Variants in MYH7B observed in about 807,000 individuals in gnomAD.
MYH7B encodes myosin heavy chain 7B.
In MYH7B, 205 loss-of-function variants were observed where a neutral mutation model predicts 234.5. That is an observed-to-expected ratio of 0.87 (90% confidence interval 0.78 to 0.98). The LOEUF is 0.98. MYH7B is among the 50% of genes least tolerant of loss of function. The probability of loss-of-function intolerance (pLI) is 0.00; values close to 1 mark genes in which losing one functional copy is unlikely to be tolerated. For synonymous variants in MYH7B, 1,193 were observed against 1,105.0 expected, an observed-to-expected ratio of 1.08 and a Z score of -1.58; for missense variants, 2,652 against 2,633.4, an observed-to-expected ratio of 1.01 and a Z score of -0.15.
chr20:34,955,948 C>G (rs1000957314), exon 1 of MYH7B: 1 of 152,486 alleles, frequency 6.6e-6, no homozygotes, highest in Admixed American at 6.5e-5. Context: ...CGGCTGCACC[C>G]TGGCGGATGG....
In MYH7B at chr20:34,997,623, ACT is replaced by A. The variant is rs771508468; in HGVS notation, c.3733_3734del (p.Leu1245AspfsTer15). 457 of 1,613,148 alleles carry A rather than the reference ACT, an allele frequency of 2.8e-4. 1 individual carries two copies. The highest frequency in any genetic ancestry group is 3.5e-4 in the Non-Finnish European group (414 of 1,179,592). On this transcript the variant is annotated frameshift_variant, in exon 32 of 45. Transcript: ENST00000262873. LOFTEE classifies it high-confidence loss of function. ...GGACGACCTGGCTGCCAACGTGGAG[ACT>A]CTGACCCGCGCCAAGGTGTCCGTGC...
intron 2 of MYH7B, among the ~76,000 whole-genome samples, chr20:34,964,059 A>G (rs2081721929): frequency 6.6e-6 from 1 of 152,168 alleles, no homozygotes; most frequent in African/African-American, 2.4e-5. Flanking sequence ...TTATTACTAT[A>G]TATGGTAAAA....
chr20:34,972,484 T>A (rs1291455704), intron 2 of MYH7B, among the ~76,000 whole-genome samples: 2 of 152,104 alleles, frequency 1.3e-5, no homozygotes. Flanking sequence ...CAGGCCATAC[T>A]TCTTGTTTCA....
intron 35 of MYH7B, 56 bp downstream of exon 35, chr20:34,998,971 G>T: frequency 6.3e-7 from 1 of 1,586,214 alleles, no homozygotes; most frequent in Admixed American, 1.7e-5. Flanking sequence ...CTGTGCCTGA[G>T]CCCCGCTGAG....
rs747182943 is a variant in MYH7B at position 34,987,196 on chromosome 20, C to CT, written c.1057dup (p.Tyr353LeufsTer2). On this transcript the variant is annotated frameshift_variant, in exon 16 of 45. Coordinates refer to ENST00000262873, the Ensembl canonical transcript of MYH7B. LOFTEE classifies it high-confidence loss of function. Reference sequence around the variant, plus strand: ...TCAGCGTGGATGAGAAATGTGCCTGCTATAAGATCGTGGGCGCCCTCCTGC... The same window carrying CT: ...TCAGCGTGGATGAGAAATGTGCCTGCTTATAAGATCGTGGGCGCCCTCCTGC... 5 of 1,613,062 alleles carry CT rather than the reference C, an allele frequency of 3.1e-6. No individual in the cohort carries two copies. The South Asian group carries it at 5.5e-5, about 18-fold the overall frequency.
chr20:35,002,414 A>AAT (rs2082411684), exon 45 of MYH7B: 4 of 425,664 alleles, frequency 9.4e-6, no homozygotes, highest in Admixed American at 4.1e-5. Flanking sequence ...TCATTTTTAA[A>AAT]ATAAAGTTAT....
Position 34,980,652 on chromosome 20 carries a change from T to C in MYH7B, c.417T>C (p.Ala139=), listed in dbSNP as rs61746163. 8.0e-4 allele frequency: 1,287 copies of C among 1,614,204 alleles called. 7 individuals are homozygous for C. The African/African-American group carries it at 0.016, about 19-fold the overall frequency. Residue 139 remains alanine (A), a synonymous_variant, in exon 8 of 45, where the codon GCT becomes GCC. Transcript: ENST00000262873. ...CAGTCTATACGGCCTCCGTAGTGGC[T>C]GCTTACAAGGGAAAGCGCCGCTCAG...
At chr20:34,990,355 C>T in intron 22 of MYH7B, 45 bp downstream of exon 22, 2 of 1,606,778 alleles carry the variant, frequency 1.2e-6, no homozygotes, top group Non-Finnish European at 1.7e-6. Flanking sequence ...TGGCAGCCTC[C>T]AGCCCCGTCC....
chr20:35,000,916 G>C (rs1208934279), intron 40 of MYH7B, 23 bp downstream of exon 40: 2 of 1,063,412 alleles, frequency 1.9e-6, no homozygotes, highest in Non-Finnish European at 2.6e-6. Context: ...AAGGGCTGTG[G>C]GGAGCCTGGG....
chr20:34,961,244 A>G (rs1442532045), intron 2 of MYH7B, among the ~76,000 whole-genome samples: 2 of 152,130 alleles, frequency 1.3e-5, no homozygotes, highest in Admixed American at 1.3e-4. Flanking sequence ...ACATTGTACC[A>G]CCCATGTAGC....
exon 29 of MYH7B, chr20:34,996,432 C>A: frequency 2.5e-6 from 4 of 1,613,528 alleles, no homozygotes; most frequent in Non-Finnish European, 3.4e-6. Flanking sequence ...AGGAGGCCCA[C>A]CAACAGGCCC....
At chr20:34,980,323 C>T (rs1600422503) in intron 7 of MYH7B, 2 of 412,004 alleles carry the variant, frequency 4.9e-6, no homozygotes, top group Non-Finnish European at 4.4e-6. Flanking sequence ...GCAAGGCGGG[C>T]GGATCACCTG....
intron 14 of MYH7B, 47 bp downstream of exon 14, chr20:34,986,245 GC>G (rs1217739568): frequency 1.4e-6 from 2 of 1,454,658 alleles, no homozygotes; most frequent in African/African-American, 2.8e-5. Context: ...ACCTGGAGGG[GC>G]TGCCTGGCGC....
intron 15 of MYH7B, 31 bp from the exon 16 acceptor site, chr20:34,987,118 C>T: frequency 4.3e-6 from 7 of 1,612,562 alleles, no homozygotes; most frequent in Non-Finnish European, 5.9e-6. Context: ...GCCCAGACCT[C>T]TCTGAACTCG....
exon 44 of MYH7B, chr20:35,002,017 C>T (rs375468674): frequency 1.4e-5 from 23 of 1,613,924 alleles, no homozygotes; most frequent in Middle Eastern, 1.7e-4. Flanking sequence ...TGCGGAGGAG[C>T]GGGCAGACAT....
rs768850319 is a variant in MYH7B at position 35,001,100 on chromosome 20, A to C, written c.5417A>C (p.Glu1806Ala). The change falls in exon 41 of 45, where the codon GAG (glutamate) becomes GCG (alanine). Residue 1806 changes from glutamate to alanine, a missense_variant. Physicochemically the swap from Glu to Ala is moderately radical, Grantham distance 107. This residue lies in a region of MYH7B where 2,279 missense variants were observed against 2,211.4 expected (regional missense o/e 1.03). Transcript: ENST00000262873. Reference sequence around the variant, plus strand: ...CGCGAGCTCCAGGCCCGCCTTGAGGAGGCAGAACAGGCCGCCCTCCGTGGC... The same window carrying C: ...CGCGAGCTCCAGGCCCGCCTTGAGGCGGCAGAACAGGCCGCCCTCCGTGGC... 1.1e-5 allele frequency: 17 copies of C among 1,613,772 alleles called. No individual in the cohort carries two copies. Among genetic ancestry groups the C allele is most frequent in the African/African-American group, 1.3e-5 (1 of 74,944 alleles).
At position 34,975,391 on chromosome 20, in the gene MYH7B, T is replaced by G; in HGVS notation, c.-221-9T>G. On this transcript the variant is annotated splice_polypyrimidine_tract_variant and intron_variant, in intron 2 of 44. Transcript: ENST00000262873. ...GGCTAATTTTTGTTTGTTTGTTTGT[T>G]TGTTGTAGAGATGGGGTTTTGATGT... 1.7e-6 allele frequency: 1 copy of G among 594,482 alleles called. No homozygotes were observed. Among genetic ancestry groups the G allele is most frequent in the Non-Finnish European group, 3.1e-6 (1 of 325,714 alleles). 36.8% of individuals were successfully genotyped at this position (594,482 alleles called of 1,614,324 possible).
chr20:34,977,786 G>A (rs1317285179), intron 4 of MYH7B, 106 bp downstream of exon 4: 26 of 1,509,398 alleles, frequency 1.7e-5, no homozygotes, highest in Middle Eastern at 2.3e-4. Flanking sequence ...TGGAGTGGAG[G>A]AAGCCCTGGT....
intron 35 of MYH7B, 60 bp downstream of exon 35, chr20:34,998,975 C>T (rs1372204518): frequency 1.0e-5 from 16 of 1,584,448 alleles, no homozygotes; most frequent in Middle Eastern, 1.7e-4. Context: ...GCCTGAGCCC[C>T]GCTGAGGGTG....
Sources: allele counts gnomAD v4.1 joint callset (sites outside exome capture counted in the v4.1 genomes callset), GRCh38; gene constraint gnomAD v4.1.1; regional missense constraint gnomAD v4.1.1; transcripts MANE v1.5; gene names NCBI Gene and HGNC (gene_info 2026-07-23, HGNC 2026-07-21).